Variants in GET4 observed in about 807,000 individuals in gnomAD.
The protein encoded by GET4 is Golgi to ER traffic protein 4 homolog.
A neutral mutation model predicts 40.0 loss-of-function variants in GET4; 20 were observed. That is an observed-to-expected ratio of 0.50 (90% CI 0.35 to 0.73). GET4 has a LOEUF of 0.73. Ranked by LOEUF, GET4 falls within the 30% of genes least tolerant of loss-of-function variation. The pLI, the probability that GET4 is intolerant of heterozygous loss-of-function variation, is 0.01. For synonymous variants in GET4, 280 were observed against 194.6 expected (o/e 1.44, Z -3.65); for missense variants, 557 against 454.0 (o/e 1.23, Z -2.06).
At chr7:893,311 TGTGCAGGTGAGTGTTGGGCGC>T (rs1844379026) in intron 6 of GET4, among the ~76,000 whole-genome samples, 6 of 67,488 alleles carry the variant, frequency 8.9e-5, no homozygotes, top group African/African-American at 3.2e-4. Context: ...CGCGGTGGTG[TGTGCAGGTGAGTGTTGGGCGC>T]GGGCGTGGTG....
chr7:879,027 A>C (rs897932640), intron 1 of GET4, among the ~76,000 whole-genome samples: 1 of 151,826 alleles, frequency 6.6e-6, no homozygotes, highest in Non-Finnish European at 1.5e-5. Context: ...ATCGGGGTGC[A>C]TGCCTGGTGT....
Position 890,866 on chromosome 7 carries a change from C to T in GET4, c.467-62C>T, listed in dbSNP as rs1209892047. The T allele has an allele frequency of 7.6e-6, 10 of 1,312,652 alleles. 1 individual carries two copies. The highest frequency in any genetic ancestry group is 1.1e-5 in the Non-Finnish European group (10 of 907,476). 81.3% of individuals were successfully genotyped at this position (1,312,652 alleles called of 1,614,324 possible). A position where few individuals can be genotyped will look rare whatever the true frequency, so the allele number is the denominator to read the frequency against. On this transcript the variant is annotated intron_variant, in intron 4 of 8. Coordinates refer to ENST00000265857, the MANE Select transcript of GET4 (RefSeq NM_015949.3). The stretch of plus-strand genomic sequence containing the variant: ...AGAATTAACATGGAGTGTCTTTCCC[C>T]CTTTCCTTTTCTGTGTTATATTCGT...
intron 4 of GET4, 128 bp downstream of exon 4, chr7:887,647 CGGTCCAT>C: frequency 1.5e-6 from 1 of 680,800 alleles, no homozygotes; most frequent in East Asian, 3.3e-5. Context: ...TCACGCGGGC[CGGTCCAT>C]GGAGACCCAT....
chr7:892,369 G>C lies in GET4; in HGVS notation c.697G>C (p.Val233Leu). The change falls in exon 6 of 9, where the codon GTG (valine) becomes CTG (leucine). Residue 233 changes from valine (V) to leucine (L), a missense_variant. Physicochemically the swap from Val to Leu is conservative, Grantham distance 32. Coordinates refer to ENST00000265857, the MANE Select transcript of GET4 (RefSeq NM_015949.3). ...HPSIEDGPPF[V>L]EPLLNFIWFL... is the part of the protein sequence containing the mutation. ...GTCCATCGAGGACGGGCCTCCGTTT[G>C]TGGAGCCGCTGCTTAACTTCATCTG... 1.3e-6 allele frequency: 2 copies of C among 1,594,298 alleles called. No individual in the cohort carries two copies. The highest frequency in any genetic ancestry group is 1.7e-6 in the Non-Finnish European group (2 of 1,163,528).
chr7:879,770 C>T (rs984913242), intron 1 of GET4: 2 of 152,228 alleles, frequency 1.3e-5, no homozygotes, highest in African/African-American at 4.8e-5. Context: ...CTGGAAGAAA[C>T]AAGTCTTTGA....
intron 6 of GET4, among the ~76,000 whole-genome samples, chr7:893,262 C>T (rs1226432038): frequency 1.6e-4 from 10 of 61,714 alleles, no homozygotes; most frequent in South Asian, 6.6e-4. Context: ...GTGTTGGGCG[C>T]GGGCGCGGTG....
chr7:886,032 C>T (rs542671807), intron 1 of GET4, 24 bp from the exon 2 acceptor site: 4 of 1,489,014 alleles, frequency 2.7e-6, no homozygotes, highest in African/African-American at 1.4e-5. Flanking sequence ...GTGGGCGTGG[C>T]TCACGGTCTC....
At chr7:878,197 C>G in intron 1 of GET4, 1 of 464,850 alleles carries the variant, frequency 2.2e-6, no homozygotes, top group Non-Finnish European at 4.5e-6. Context: ...GCTGGGTTAA[C>G]TGCACGCCCC....
intron 1 of GET4, chr7:879,932 C>T (rs968177273): frequency 1.3e-5 from 2 of 152,262 alleles, no homozygotes; most frequent in Admixed American, 6.5e-5. Flanking sequence ...CTAAACCGTA[C>T]AACGCGAGCC....
intron 3 of GET4, 57 bp from the exon 4 acceptor site, chr7:887,313 G>A (rs1844211429): frequency 2.0e-6 from 3 of 1,522,912 alleles, no homozygotes; most frequent in Admixed American, 1.7e-5. Flanking sequence ...GGGGAATGTG[G>A]GACAGAGAGC....
chr7:881,858 G>T (rs1431874304), intron 1 of GET4: 1 of 152,206 alleles, frequency 6.6e-6, no homozygotes, highest in Non-Finnish European at 1.5e-5. Context: ...CCCAGTGTGT[G>T]TTGTTGGCCC....
rs971526378 is a variant in GET4, at chr7:878,297, A to C, written c.155+1497A>C. 7.9e-5 allele frequency: 37 copies of C among 471,020 alleles called. No homozygotes were observed. The Admixed American group carries it at 8.7e-4, about 11-fold the overall frequency. 29.2% of individuals were successfully genotyped at this position (471,020 alleles called of 1,614,324 possible). ...GCTCTGTTCCAGTATTTTTGCTGTC[A>C]TACAGTTACTGCAGAATGTTCAGTT... On this transcript the variant is annotated intron_variant, in intron 1 of 8. Transcript: ENST00000265857.
chr7:890,546 T>A (rs1215364811), intron 4 of GET4, among the ~76,000 whole-genome samples: 1 of 152,082 alleles, frequency 6.6e-6, no homozygotes, highest in Non-Finnish European at 1.5e-5. Context: ...GCTGTTGATC[T>A]ACATCCGAGG....
chr7:888,331 A>G (rs1844236768), intron 4 of GET4, among the ~76,000 whole-genome samples: 1 of 152,240 alleles, frequency 6.6e-6, no homozygotes, highest in Non-Finnish European at 1.5e-5. Context: ...CGTACTCTGC[A>G]CACATCAGCA....
rs1844192383 is a variant in GET4, at chr7:886,578, G to A, written c.244G>A (p.Ala82Thr). 6.2e-7 allele frequency: 1 copy of A among 1,611,562 alleles called. No homozygotes were observed. The highest frequency in any genetic ancestry group is 1.1e-5 in the South Asian group (1 of 91,044). The change falls in exon 3 of 9, where the codon GCA becomes ACA. Residue 82 changes from alanine (A) to threonine (T), a missense_variant. Coordinates refer to ENST00000265857, the MANE Select transcript of GET4 (RefSeq NM_015949.3). Reference sequence around the variant, plus strand: ...TTGCTTTCTCTTGTAGCAAAACAGTGCAGCAGACTTGTCCATGCTGGTCCT... The same window carrying A: ...TTGCTTTCTCTTGTAGCAAAACAGTACAGCAGACTTGTCCATGCTGGTCCT... ...LFFSHGQQNSAADLSMLVLES... is the reference protein window; with the variant it reads ...LFFSHGQQNSTADLSMLVLES...
intron 2 of GET4, 134 bp from the exon 3 acceptor site, chr7:886,435 G>A: frequency 1.5e-6 from 1 of 688,054 alleles, no homozygotes. Flanking sequence ...GCATTGCCAA[G>A]GGACGTGGTG....
chr7:891,469 G>T (rs575822872), intron 5 of GET4, among the ~76,000 whole-genome samples: 1 of 151,646 alleles, frequency 6.6e-6, no homozygotes, highest in Non-Finnish European at 1.5e-5. Flanking sequence ...GCCAGGCTCC[G>T]GGCGCTGTCT....
rs1185707968 is a variant in GET4 at position 893,598 on chromosome 7, G to GCA, written c.747-142_747-141insCA. On this transcript the variant is annotated intron_variant, in intron 6 of 8. Coordinates refer to ENST00000265857, the MANE Select transcript of GET4 (RefSeq NM_015949.3). ...GTGGTTGCAGGTGAGTGTTGGGCATGGGCGCGGTGTGTGCAGGTGAGTGTT... is the reference window on the plus strand; with the variant it reads ...GTGGTTGCAGGTGAGTGTTGGGCATGCAGGCGCGGTGTGTGCAGGTGAGTGTT... 6 of 498,580 alleles carry GCA rather than the reference G, an allele frequency of 1.2e-5. No individual in the cohort carries two copies. The African/African-American group carries it at 3.2e-4, about 27-fold the overall frequency. 30.9% of individuals were successfully genotyped at this position (498,580 alleles called of 1,614,324 possible).
chr7:883,924 T>C, intron 1 of GET4: 1 of 1,056,848 alleles, frequency 9.5e-7, no homozygotes, highest in South Asian at 2.8e-5. Flanking sequence ...CCCAGAATTC[T>C]CCTCCCGTCC....
Sources: allele counts gnomAD v4.1 joint callset (sites outside exome capture counted in the v4.1 genomes callset), GRCh38; gene constraint gnomAD v4.1.1; transcripts MANE v1.5; gene names NCBI Gene and HGNC (gene_info 2026-07-23, HGNC 2026-07-21).